The following SLC12A7 variants were observed in gnomAD, a reference collection of about 807,000 sequenced individuals.
SLC12A7 encodes solute carrier family 12 member 7, also known as K-Cl cotransporter 4.
In SLC12A7, 100 loss-of-function variants were observed where a neutral mutation model predicts 120.6. The ratio of observed to expected loss-of-function variants is 0.83; its 90% CI spans 0.71 to 0.98. The LOEUF is 0.98. Among genes scored for constraint, SLC12A7 ranks in the 50% least tolerant of loss-of-function variants. The pLI, the probability that SLC12A7 is intolerant of heterozygous loss-of-function variation, is 0.00. For missense variants in SLC12A7, 1,373 were observed against 1,548.1 expected (o/e 0.89, Z 1.90); for synonymous variants, 760 against 678.0 (o/e 1.12, Z -1.88).
In SLC12A7 at chr5:1,083,833, C is replaced by T. The variant is rs1164932350; in HGVS notation, c.1041G>A (p.Gln347=). ...ALWGLFCNGS[Q]PSAACDEYFI... is the part of the protein sequence containing the mutation. ...AGTACTCGTCACAGGCGGCGCTGGGCTGGGAGCCGTTGCAGAAGAGGCCCC... is the reference window on the plus strand; with the variant it reads ...AGTACTCGTCACAGGCGGCGCTGGGTTGGGAGCCGTTGCAGAAGAGGCCCC... The change falls in exon 8 of 24, where the codon CAG becomes CAA. Residue 347 remains glutamine (Q), a synonymous_variant. Transcript: ENST00000264930. 4 of 1,608,958 alleles carry T rather than the reference C, an allele frequency of 2.5e-6. No homozygotes were observed. In the East Asian group the frequency reaches 8.9e-5, roughly 36 times the overall value.
intron 1 of SLC12A7, among the ~76,000 whole-genome samples, chr5:1,105,301 TCAAAAGGACC>T (rs1742422525): frequency 8.7e-5 from 7 of 80,162 alleles, no homozygotes; most frequent in African/African-American, 3.5e-4. Flanking sequence ...CACCCACCAG[TCAAAAGGACC>T]CTCCCCGCAG....
the SLC12A7 span, among the ~76,000 whole-genome samples, chr5:1,125,527 T>G: frequency 6.6e-6 from 1 of 152,192 alleles, no homozygotes; most frequent in Non-Finnish European, 1.5e-5. Flanking sequence ...TTGGAAAGTT[T>G]ATCTAGGGTG....
chr5:1,145,402 C>G, the SLC12A7 span, among the ~76,000 whole-genome samples: 1 of 152,170 alleles, frequency 6.6e-6, no homozygotes, highest in Non-Finnish European at 1.5e-5. The surrounding 1 kb of genome is among the most constrained non-coding windows in gnomAD (Gnocchi z 4.4). Flanking sequence ...GAGTGCCCAG[C>G]GGGGTAATTG....
intron 3 of SLC12A7, among the ~76,000 whole-genome samples, chr5:1,092,146 A>G (rs1740597165): frequency 1.3e-5 from 2 of 152,258 alleles, no homozygotes; most frequent in Admixed American, 1.3e-4. Flanking sequence ...AAACAAAACC[A>G]AATGTCTTCA....
At chr5:1,054,437 A>G (rs1032313266) in intron 22 of SLC12A7, among the ~76,000 whole-genome samples, 3 of 151,644 alleles carry the variant, frequency 2.0e-5, no homozygotes. Flanking sequence ...CCTCTACCCC[A>G]CGGTCCCCTC....
chr5:1,098,085 C>T (rs1402962383), intron 1 of SLC12A7, among the ~76,000 whole-genome samples: 1 of 147,556 alleles, frequency 6.8e-6, no homozygotes, highest in African/African-American at 2.5e-5. Context: ...CACCCAGCCG[C>T]CCCCTCCAAC....
chr5:1,050,831 A>T lies in SLC12A7; in HGVS notation c.*1529T>A, dbSNP rs1734960214. On this transcript the variant is annotated 3_prime_UTR_variant, in exon 24 of 24. Coordinates refer to ENST00000264930, the MANE Select transcript of SLC12A7 (RefSeq NM_006598.3). ...GGACACGCTCTGGGCAGCAGCCGTC[A>T]CTCTACAGCAATGCCAGCCCTAGTC... The T allele has an allele frequency of 2.5e-6, 1 of 398,436 alleles. No homozygotes were observed. Among genetic ancestry groups the T allele is most frequent in the South Asian group, 1.3e-4 (1 of 7,856 alleles). The allele number at this position is 398,436 out of a possible 1,614,324, so 24.7% of individuals were successfully genotyped here.
chr5:1,088,029 G>A (rs528481746), intron 5 of SLC12A7, among the ~76,000 whole-genome samples: 1 of 152,172 alleles, frequency 6.6e-6, no homozygotes, highest in Non-Finnish European at 1.5e-5. Context: ...CACTGGAATC[G>A]CCCGTGCCTC....
chr5:1,106,470 A>G (rs535007414), intron 1 of SLC12A7, among the ~76,000 whole-genome samples: 53 of 151,992 alleles, frequency 3.5e-4, no homozygotes, highest in South Asian at 3.3e-3. Context: ...AAAAAAAAAA[A>G]AAAAGAAAAT....
At chr5:1,093,846 A>G (rs562381338) in intron 2 of SLC12A7, among the ~76,000 whole-genome samples, 191 bp from the exon 3 acceptor site, 5 of 152,242 alleles carry the variant, frequency 3.3e-5, no homozygotes, top group Admixed American at 6.5e-5. Flanking sequence ...GGCCTCACTG[A>G]GTGGGGCCAC....
intron 18 of SLC12A7, 67 bp from the exon 19 acceptor site, chr5:1,064,319 C>T: frequency 1.3e-6 from 2 of 1,540,142 alleles, no homozygotes. Flanking sequence ...TCCCCGGGGA[C>T]TCACAGCCAG....
At chr5:1,073,385 A>C (rs1737920781) in intron 17 of SLC12A7, among the ~76,000 whole-genome samples, 1 of 152,148 alleles carries the variant, frequency 6.6e-6, no homozygotes. Context: ...CCATGGCGGG[A>C]GGAGGCGGTC....
intron 1 of SLC12A7, among the ~76,000 whole-genome samples, chr5:1,108,422 T>A (rs1742729377): frequency 6.6e-6 from 1 of 152,198 alleles, no homozygotes; most frequent in South Asian, 2.1e-4. Flanking sequence ...GCTCACCACA[T>A]ACCCATGACC....
chr5:1,050,902 G>T lies in SLC12A7; in HGVS notation c.*1458C>A, dbSNP rs571818649. ...GGGGCACAAGTGCAGCCTCTGCCCC[G>T]ATTTGAACTTTGTTGATGGGGCTGA... is the stretch of plus-strand genomic sequence containing the variant. On this transcript the variant is annotated 3_prime_UTR_variant, in exon 24 of 24. Coordinates refer to ENST00000264930, the MANE Select transcript of SLC12A7 (RefSeq NM_006598.3). The T allele has an allele frequency of 1.3e-5, 5 of 398,550 alleles. No individual in the cohort carries two copies. Among genetic ancestry groups the T allele is most frequent in the African/African-American group, 1.0e-4 (5 of 48,646 alleles). 24.7% of individuals were successfully genotyped at this position (398,550 alleles called of 1,614,324 possible).
chr5:1,119,841 C>T, the SLC12A7 span, among the ~76,000 whole-genome samples: 1 of 152,380 alleles, frequency 6.6e-6, no homozygotes, highest in East Asian at 1.9e-4. Context: ...CGGTGCCCAG[C>T]TTTGGGCCCT....
At chr5:1,073,342 A>T (rs949655697) in intron 17 of SLC12A7, among the ~76,000 whole-genome samples, 1 of 152,234 alleles carries the variant, frequency 6.6e-6, no homozygotes, top group Non-Finnish European at 1.5e-5. Flanking sequence ...AGCTTGCAGC[A>T]GAACCATGAT....
rs200954911 is a variant in SLC12A7, at chr5:1,089,112, G to A, written c.359C>T (p.Thr120Ile). 86 of 1,612,740 alleles carry A rather than the reference G, an allele frequency of 5.3e-5. No homozygotes were observed. Among genetic ancestry groups the A allele is most frequent in the Admixed American group, 1.5e-4 (9 of 60,024 alleles). ...RREAKAPRMGTFIGVYLPCLQ... is the reference protein window; with the variant it reads ...RREAKAPRMGIFIGVYLPCLQ... Reference sequence around the variant, plus strand: ...GCACGGCAGGTAGACGCCGATGAAGGTGCCCATGCGCGGAGCCTGCGACAG... The same window carrying A: ...GCACGGCAGGTAGACGCCGATGAAGATGCCCATGCGCGGAGCCTGCGACAG... Residue 120 changes from threonine to isoleucine, a missense_variant, in exon 4 of 24, where the codon ACC becomes ATC. Transcript: ENST00000264930.
intron 20 of SLC12A7, among the ~76,000 whole-genome samples, chr5:1,062,049 C>T (rs1736351217): frequency 6.6e-6 from 1 of 152,226 alleles, no homozygotes; most frequent in Non-Finnish European, 1.5e-5. Context: ...GGTGGGCAGC[C>T]CCAGCCCTGC....
chr5:1,141,197 G>A, the SLC12A7 span, among the ~76,000 whole-genome samples: 5 of 152,278 alleles, frequency 3.3e-5, no homozygotes, highest in East Asian at 1.9e-4. Flanking sequence ...TCTCTGTATC[G>A]TCCCTGCTCT....
Sources: allele counts gnomAD v4.1 joint callset (sites outside exome capture counted in the v4.1 genomes callset), GRCh38; gene constraint gnomAD v4.1.1; non-coding constraint Gnocchi (gnomAD v3.1); transcripts MANE v1.5; gene names NCBI Gene and HGNC (gene_info 2026-07-23, HGNC 2026-07-21).